Variants in CMTM1 observed in about 807,000 individuals in gnomAD.
CMTM1 encodes CKLF-like MARVEL transmembrane domain-containing protein 1.
Under a neutral mutation model 17.8 loss-of-function variants are expected in CMTM1, and 16 were observed. The observed-to-expected ratio is 0.90, with a 90% CI of 0.61 to 1.37. The LOEUF (loss-of-function observed/expected upper bound fraction) is 1.37, where lower values mean the gene tolerates loss of function less well. Among genes scored for constraint, CMTM1 ranks in the 40% most tolerant of loss-of-function variants. CMTM1 has a pLI of 0.00. For synonymous variants in CMTM1, 169 were observed against 154.6 expected (o/e 1.09, Z -0.69); for missense variants, 354 against 375.6 (o/e 0.94, Z 0.47).
chr16:66,566,961 G>C lies in CMTM1; in HGVS notation c.432+16G>C. 6.2e-7 allele frequency: 1 copy of C among 1,614,018 alleles called. No individual in the cohort carries two copies. The highest frequency in any genetic ancestry group is 8.5e-7 in the Non-Finnish European group (1 of 1,179,966). On this transcript the variant is annotated intron_variant, in intron 1 of 3. Transcript: ENST00000379500. This position sits in a 1 kb window ranked among gnomAD's most constrained non-coding sequence, Gnocchi z 4.9. ...CCTGAGACTGGTGAGCGGAGAGCTG[G>C]TGAGACCTAGCTGGGCGGATGTGGC...
Position 66,567,894 on chromosome 16 carries a change from A to G in CMTM1, c.432+949A>G, listed in dbSNP as rs545593583. 2.6e-5 allele frequency among the ~76,000 whole-genome samples: 4 copies of G among 152,366 alleles called. No homozygotes were observed. The East Asian group carries it at 5.8e-4, about 22-fold the overall frequency. ...AATGTAAATCACCAAAACTGATCCC[A>G]GAATAGGGAAAAATCTAAACAGGGC... On this transcript the variant is annotated intron_variant, in intron 1 of 3. Coordinates refer to ENST00000379500, the MANE Select transcript of CMTM1 (RefSeq NM_052999.4).
At chr16:66,575,000 T>C in intron 2 of CMTM1, 2 of 985,454 alleles carry the variant, frequency 2.0e-6, no homozygotes, top group East Asian at 1.1e-4. Flanking sequence ...CTGCCCACTA[T>C]GGGCAGACCT....
chr16:66,573,396 C>T (rs1475978404), intron 2 of CMTM1, among the ~76,000 whole-genome samples: 2 of 152,090 alleles, frequency 1.3e-5, no homozygotes, highest in African/African-American at 2.4e-5. Context: ...GTACCAAGAT[C>T]GTAAGAAATT....
At position 66,566,533 on chromosome 16, in the gene CMTM1, A is replaced by C; in HGVS notation, c.20A>C (p.Lys7Thr). Residue 7 changes from lysine to threonine, a missense_variant, in exon 1 of 4, where the codon AAA becomes ACA. Coordinates refer to ENST00000379500, the MANE Select transcript of CMTM1 (RefSeq NM_052999.4). This position sits in a 1 kb window ranked among gnomAD's most constrained non-coding sequence, Gnocchi z 4.9. ...CCCACCATGGATCCTGAACACGCCA[A>C]ACCTGAGTCATCCGAGGCACCTTCA... is the stretch of plus-strand genomic sequence containing the variant. Reference protein sequence around the residue: MDPEHAKPESSEAPSGN... With the variant: MDPEHATPESSEAPSGN... 1 of 1,611,820 alleles carries C rather than the reference A, an allele frequency of 6.2e-7. No individual in the cohort carries two copies. Among genetic ancestry groups the C allele is most frequent in the Non-Finnish European group, 8.5e-7 (1 of 1,179,096 alleles).
chr16:66,577,898 G>T (rs1226388416), intron 3 of CMTM1, among the ~76,000 whole-genome samples: 2 of 151,200 alleles, frequency 1.3e-5, no homozygotes, highest in East Asian at 3.8e-4. Flanking sequence ...TGCAGAAAAA[G>T]AGTTCATTTG....
intron 2 of CMTM1, among the ~76,000 whole-genome samples, chr16:66,573,468 A>G (rs112195520): frequency 2.8e-4 from 42 of 152,338 alleles, no homozygotes; most frequent in African/African-American, 9.9e-4. Flanking sequence ...ATCATAAAGA[A>G]TATAATCCAG....
chr16:66,579,011 G>C lies in CMTM1; in HGVS notation c.*10G>C, dbSNP rs758084539. On this transcript the variant is annotated 3_prime_UTR_variant, in exon 4 of 4. Transcript: ENST00000379500. The surrounding 1 kb of genome is among the most constrained non-coding windows in gnomAD (Gnocchi z 6.5). ...GCAGAGGCCCGCCTGAAGCCAGCCC[G>C]GCGCCCTAGCAGATGCACGTGTCTG... The C allele has an allele frequency of 6.2e-7, 1 of 1,611,464 alleles. No individual in the cohort carries two copies. The highest frequency in any genetic ancestry group is 1.1e-5 in the South Asian group (1 of 90,884).
In CMTM1 at chr16:66,566,777, G is replaced by C; in HGVS notation, c.264G>C (p.Lys88Asn). The change falls in exon 1 of 4, where the codon AAG (lysine) becomes AAC (asparagine). Residue 88 changes from lysine (K) to asparagine (N), a missense_variant. Physicochemically the swap from Lys to Asn is moderately conservative, Grantham distance 94. Transcript: ENST00000379500. The surrounding 1 kb of genome is among the most constrained non-coding windows in gnomAD (Gnocchi z 4.9). ...SRKATTRPPP[K>N]PTLPPPTPSA... ...AAGCCACCACACGCCCACCCCCAAA[G>C]CCCACACTCCCACCCCCCACGCCCT... 1 of 1,613,062 alleles carries C rather than the reference G, an allele frequency of 6.2e-7. No individual in the cohort carries two copies. Among genetic ancestry groups the C allele is most frequent in the Non-Finnish European group, 8.5e-7 (1 of 1,179,568 alleles).
rs761877448 is a variant in CMTM1, at chr16:66,569,932, G to A, written c.433-4G>A. On this transcript the variant is annotated splice_region_variant and splice_polypyrimidine_tract_variant and intron_variant, in intron 1 of 3. Transcript: ENST00000379500. Reference sequence around the variant, plus strand: ...TAAAACAAATCCTGTTTCTTTTATTGCAGAGTCTTATCTTAGGAGCATTAG... The same window carrying A: ...TAAAACAAATCCTGTTTCTTTTATTACAGAGTCTTATCTTAGGAGCATTAG... The A allele has an allele frequency of 1.9e-6, 3 of 1,572,830 alleles. No homozygotes were observed. Among genetic ancestry groups the A allele is most frequent in the East Asian group, 2.3e-5 (1 of 44,396 alleles).
Position 66,566,700 on chromosome 16 carries a change from T to C in CMTM1, c.187T>C (p.Ser63Pro). The stretch of plus-strand genomic sequence containing the variant: ...CGCAGTCTCAATTCGCAGTGCGCAG[T>C]CCGCAGCCGCCGCACGTCCCCAAGG... Reference protein sequence around the residue: ...HPAVSIRSAQSAAAARPQGSE... With the variant: ...HPAVSIRSAQPAAAARPQGSE... The change falls in exon 1 of 4, where the codon TCC (serine) becomes CCC (proline). Residue 63 changes from serine (S) to proline (P), a missense_variant. By Grantham distance (74) the Ser-to-Pro change is moderately conservative. Transcript: ENST00000379500. The surrounding 1 kb of genome is among the most constrained non-coding windows in gnomAD (Gnocchi z 4.9). 1 of 1,613,946 alleles carries C rather than the reference T, an allele frequency of 6.2e-7. No homozygotes were observed. Among genetic ancestry groups the C allele is most frequent in the Non-Finnish European group, 8.5e-7 (1 of 1,179,978 alleles).
chr16:66,576,179 T>A lies in CMTM1; in HGVS notation c.592-925T>A, dbSNP rs184169190. Among the ~76,000 whole-genome samples the A allele has an allele frequency of 3.2e-4, 49 of 152,182 alleles. No homozygotes were observed. The East Asian group carries it at 8.9e-3, about 28-fold the overall frequency. ...TGGGAGGCCGAGGCGGGTGGATCACTTGAGGTCAGGAGTTCATGACCATCC... is the reference window on the plus strand; with the variant it reads ...TGGGAGGCCGAGGCGGGTGGATCACATGAGGTCAGGAGTTCATGACCATCC... On this transcript the variant is annotated intron_variant, in intron 2 of 3. Coordinates refer to ENST00000379500, the MANE Select transcript of CMTM1 (RefSeq NM_052999.4).
At chr16:66,572,944 A>T (rs2013755320) in intron 2 of CMTM1, among the ~76,000 whole-genome samples, 1 of 152,216 alleles carries the variant, frequency 6.6e-6, no homozygotes, top group Non-Finnish European at 1.5e-5. Context: ...CTTACTGCAG[A>T]TACAGGTGAC....
At chr16:66,569,223 A>G (rs888889422) in intron 1 of CMTM1, among the ~76,000 whole-genome samples, 7 of 152,232 alleles carry the variant, frequency 4.6e-5, no homozygotes, top group African/African-American at 1.7e-4. Flanking sequence ...GAAAAACTAA[A>G]TTCTGTAATT....
intron 3 of CMTM1, 142 bp downstream of exon 3, chr16:66,577,344 G>A: frequency 1.7e-6 from 1 of 596,162 alleles, no homozygotes; most frequent in East Asian, 2.8e-5. Flanking sequence ...TTCTTCAGGT[G>A]ATATGAAGTT....
chr16:66,576,941 C>A (rs1479061386), intron 2 of CMTM1, among the ~76,000 whole-genome samples, 163 bp from the exon 3 acceptor site: 1 of 152,184 alleles, frequency 6.6e-6, no homozygotes, highest in African/African-American at 2.4e-5. Flanking sequence ...AAACTCATGT[C>A]TCTGGACGAT....
chr16:66,577,190 C>G lies in CMTM1; in HGVS notation c.678C>G (p.Leu226=), dbSNP rs202207367. The change falls in exon 3 of 4, where the codon CTC becomes CTG. Residue 226 remains leucine (L), a synonymous_variant. Coordinates refer to ENST00000379500, the MANE Select transcript of CMTM1 (RefSeq NM_052999.4). ...AAGAAAAGAAAAGAAGGCATTTACT[C>G]TATGTCGGGGGGGTAAGTAGAGGCC... ...AMQEKKRRHL[L]YVGGSLCLTA... 2 of 1,613,642 alleles carry G rather than the reference C, an allele frequency of 1.2e-6. No individual in the cohort carries two copies. The highest frequency in any genetic ancestry group is 4.5e-5 in the East Asian group (2 of 44,866).
chr16:66,578,689 C>A, intron 3 of CMTM1, 142 bp from the exon 4 acceptor site: 3 of 1,123,126 alleles, frequency 2.7e-6, no homozygotes, highest in Non-Finnish European at 3.7e-6. Context: ...ATTGGGCAGG[C>A]GCCAAGAAAG....
intron 2 of CMTM1, among the ~76,000 whole-genome samples, chr16:66,574,770 C>T (rs779911776): frequency 7.9e-5 from 12 of 152,188 alleles, no homozygotes; most frequent in Non-Finnish European, 1.5e-4. Flanking sequence ...TAATCTAAGA[C>T]CACAGCTGGT....
chr16:66,577,869 C>T (rs1242485114), intron 3 of CMTM1, among the ~76,000 whole-genome samples: 1 of 152,212 alleles, frequency 6.6e-6, no homozygotes, highest in Non-Finnish European at 1.5e-5. Flanking sequence ...AGAAGTTAAA[C>T]AATGAGAACA....
Sources: allele counts gnomAD v4.1 joint callset (sites outside exome capture counted in the v4.1 genomes callset), GRCh38; gene constraint gnomAD v4.1.1; non-coding constraint Gnocchi (gnomAD v3.1); transcripts MANE v1.5; gene names NCBI Gene and HGNC (gene_info 2026-07-23, HGNC 2026-07-21).